Variants in HSD17B7 observed in about 807,000 individuals in gnomAD.
HSD17B7 encodes 3-keto-steroid reductase/17-beta-hydroxysteroid dehydrogenase 7.
Under a neutral mutation model 34.1 loss-of-function variants are expected in HSD17B7, and 17 were observed. That is an observed-to-expected ratio of 0.50 (90% CI 0.34 to 0.75). The LOEUF is 0.75. HSD17B7 is among the 30% of genes least tolerant of loss of function. The pLI, the probability that HSD17B7 is intolerant of heterozygous loss-of-function variation, is 0.01. For missense variants in HSD17B7, 296 were observed against 406.6 expected (o/e 0.73, Z 2.34); for synonymous variants, 122 against 154.6 (o/e 0.79, Z 1.56).
intron 4 of HSD17B7, chr1:162,798,176 G>A (rs1648683307): frequency 3.7e-6 from 2 of 535,154 alleles, no homozygotes; most frequent in South Asian, 1.2e-4. Flanking sequence ...CTTTCTGTAT[G>A]CCCTACACCC....
chr1:162,807,372 A>T (rs1649021265), intron 8 of HSD17B7, among the ~76,000 whole-genome samples: 1 of 152,186 alleles, frequency 6.6e-6, no homozygotes, highest in Non-Finnish European at 1.5e-5. Context: ...CCAGTCTATC[A>T]TTGTTGGACA....
intron 8 of HSD17B7, among the ~76,000 whole-genome samples, chr1:162,812,031 G>T (rs1329443393): frequency 6.6e-6 from 1 of 152,154 alleles, no homozygotes; most frequent in Non-Finnish European, 1.5e-5. Flanking sequence ...CTGTTACTGG[G>T]CATATAAAAG....
intron 8 of HSD17B7, among the ~76,000 whole-genome samples, chr1:162,809,364 G>A (rs1344043010): frequency 4.6e-5 from 7 of 152,120 alleles, no homozygotes; most frequent in African/African-American, 7.2e-5. Context: ...TGCTGGATTC[G>A]GTTTGCCAGT....
intron 8 of HSD17B7, 70 bp downstream of exon 8, chr1:162,805,562 A>C: frequency 6.4e-7 from 1 of 1,568,374 alleles, no homozygotes; most frequent in Non-Finnish European, 8.7e-7. Flanking sequence ...GTTCCTGACC[A>C]GCCCCTCAGC....
chr1:162,800,721 A>C (rs865856601), intron 5 of HSD17B7, among the ~76,000 whole-genome samples: 1 of 152,164 alleles, frequency 6.6e-6, no homozygotes, highest in Non-Finnish European at 1.5e-5. Flanking sequence ...ACAGTGTTCT[A>C]TGAGTATGGG....
At position 162,797,812 on chromosome 1, in the gene HSD17B7, C is replaced by G; in HGVS notation, c.343C>G (p.His115Asp). 1 of 1,611,660 alleles carries G rather than the reference C, an allele frequency of 6.2e-7. No homozygotes were observed. The highest frequency in any genetic ancestry group is 8.5e-7 in the Non-Finnish European group (1 of 1,178,746). The change falls in exon 4 of 9, where the codon CAT (histidine) becomes GAT (aspartate). Residue 115 changes from histidine (H) to aspartate (D), a missense_variant. His to Asp is a moderately conservative substitution (Grantham distance 81). Transcript: ENST00000254521. ...CTTCTGCTGTTTCAGAAAAGTGATT[C>G]ATATGTTCTCCACAGCTGAAGGCCT... ...FFGLFSRKVI[H>D]MFSTAEGLLT...
At position 162,792,644 on chromosome 1, in the gene HSD17B7, G is replaced by A. The variant is rs1445302226; in HGVS notation, c.36-15G>A. On this transcript the variant is annotated splice_polypyrimidine_tract_variant and intron_variant, in intron 1 of 8. Transcript: ENST00000254521. ...CCCAGATAACCCACATCTTGTGTCT[G>A]AATTGTCCTCCCAGTGGCATTGGCC... is the stretch of plus-strand genomic sequence containing the variant. The A allele has an allele frequency of 6.2e-7, 1 of 1,606,824 alleles. No homozygotes were observed. The highest frequency in any genetic ancestry group is 1.7e-4 in the Middle Eastern group (1 of 6,034).
chr1:162,806,400 A>T (rs554954440), intron 8 of HSD17B7, among the ~76,000 whole-genome samples: 40 of 152,286 alleles, frequency 2.6e-4, no homozygotes, highest in Admixed American at 1.2e-3. Flanking sequence ...TGAACCTTCC[A>T]GGTTTTTCAA....
Position 162,797,475 on chromosome 1 carries a change from T to A in HSD17B7, c.333-327T>A, listed in dbSNP as rs1290434439. ...CTTTTTTTCCCTTTGGCATAGCTTATTATTCCTTTAGAACAGTTTACCTGT... is the reference window on the plus strand; with the variant it reads ...CTTTTTTTCCCTTTGGCATAGCTTAATATTCCTTTAGAACAGTTTACCTGT... On this transcript the variant is annotated intron_variant, in intron 3 of 8. Transcript: ENST00000254521. The A allele has an allele frequency of 3.8e-5, 8 of 208,486 alleles. 1 individual carries two copies. The highest frequency in any genetic ancestry group is 6.7e-5 in the Non-Finnish European group (7 of 104,718). 12.9% of individuals were successfully genotyped at this position (208,486 alleles called of 1,614,324 possible). A position where few individuals can be genotyped will look rare whatever the true frequency, so the allele number is the denominator to read the frequency against.
chr1:162,802,711 T>C (rs1648852225), intron 5 of HSD17B7, among the ~76,000 whole-genome samples: 1 of 152,082 alleles, frequency 6.6e-6, no homozygotes, highest in African/African-American at 2.4e-5. Context: ...TTAAACTAAA[T>C]AAAATAGTAA....
chr1:162,808,327 ATC>A, intron 8 of HSD17B7, among the ~76,000 whole-genome samples: 1 of 151,986 alleles, frequency 6.6e-6, no homozygotes. Context: ...ATTGGTCTAT[ATC>A]TCTGTTTTGG....
chr1:162,798,026 A>G, intron 4 of HSD17B7, 110 bp downstream of exon 4: 1 of 1,402,426 alleles, frequency 7.1e-7, no homozygotes, highest in South Asian at 1.7e-5. Context: ...ATTTAATCTC[A>G]TGTTTGAGTT....
At chr1:162,793,608 C>T (rs1648494373) in intron 2 of HSD17B7, among the ~76,000 whole-genome samples, 1 of 152,230 alleles carries the variant, frequency 6.6e-6, no homozygotes, top group South Asian at 2.1e-4. Context: ...CAATCATGAT[C>T]ATAATTATTT....
intron 2 of HSD17B7, among the ~76,000 whole-genome samples, chr1:162,793,486 A>G (rs1648490289): frequency 6.6e-6 from 1 of 151,986 alleles, no homozygotes; most frequent in Non-Finnish European, 1.5e-5. Flanking sequence ...TCATGATCAT[A>G]ATTATTTCAT....
chr1:162,806,323 C>T (rs1390448884), intron 8 of HSD17B7, among the ~76,000 whole-genome samples: 2 of 152,274 alleles, frequency 1.3e-5, no homozygotes, highest in African/African-American at 4.8e-5. Flanking sequence ...ATCTTGGCCT[C>T]TGTTAGTAGC....
At chr1:162,806,546 G>A (rs1344382915) in intron 8 of HSD17B7, among the ~76,000 whole-genome samples, 1 of 152,150 alleles carries the variant, frequency 6.6e-6, no homozygotes, top group Admixed American at 6.5e-5. Context: ...CAAAGTAAAG[G>A]CTGTGAGAAG....
At chr1:162,803,251 C>T in intron 5 of HSD17B7, 180 bp from the exon 6 acceptor site, 1 of 702,548 alleles carries the variant, frequency 1.4e-6, no homozygotes, top group East Asian at 3.5e-5. Flanking sequence ...AGTGGGTTCT[C>T]TTAATACATG....
rs1050299222 is a variant in HSD17B7, at chr1:162,804,208, A to G, written c.748-59A>G. The G allele has an allele frequency of 1.8e-5, 23 of 1,246,922 alleles. 1 individual carries two copies. In the Admixed American group the frequency reaches 4.2e-4, roughly 23 times the overall value. The allele number at this position is 1,246,922 out of a possible 1,614,324, so 77.2% of individuals were successfully genotyped here. On this transcript the variant is annotated intron_variant, in intron 6 of 8. Coordinates refer to ENST00000254521, the MANE Select transcript of HSD17B7 (RefSeq NM_016371.4). Reference sequence around the variant, plus strand: ...GTTTTAAAAAATATTTAAATGAATAATTCTTTCGTGACTCTATTCTAAACC... The same window carrying G: ...GTTTTAAAAAATATTTAAATGAATAGTTCTTTCGTGACTCTATTCTAAACC...
At position 162,791,940 on chromosome 1, in the gene HSD17B7, T is replaced by C. The variant is rs566075625; in HGVS notation, c.36-719T>C. 2.0e-5 allele frequency among the ~76,000 whole-genome samples: 3 copies of C among 152,362 alleles called. No individual in the cohort carries two copies. The South Asian group carries it at 6.2e-4, about 32-fold the overall frequency. On this transcript the variant is annotated intron_variant, in intron 1 of 8. Transcript: ENST00000254521. ...AACTTATTACCCAGCTTTTCATTGC[T>C]ATCAGCCAGGCTGGTCTGACTGCTG...
Sources: gnomAD v4.1 joint callset for allele counts (sites outside exome capture counted in the v4.1 genomes callset) on GRCh38, gnomAD v4.1.1 for gene constraint, MANE v1.5 for transcripts, NCBI Gene and HGNC (gene_info 2026-07-23, HGNC 2026-07-21) for gene names.